CNDP2: variants seen among roughly 807,000 people sequenced by gnomAD.
CNDP2 encodes carnosine dipeptidase 2, also known as cytosolic non-specific dipeptidase.
In CNDP2, 38 loss-of-function variants were observed where a neutral mutation model predicts 55.0. The observed-to-expected ratio is 0.69, with a 90% CI of 0.53 to 0.90. CNDP2 has a LOEUF of 0.90. CNDP2 is among the 40% of genes least tolerant of loss of function. The probability of loss-of-function intolerance (pLI) is 0.00; values close to 1 mark genes in which losing one functional copy is unlikely to be tolerated. For synonymous variants in CNDP2, 241 were observed against 260.2 expected (o/e 0.93, Z 0.71); for missense variants, 607 against 621.7 (o/e 0.98, Z 0.25).
intron 5 of CNDP2, chr18:74,509,164 A>C: frequency 2.0e-6 from 1 of 490,308 alleles, no homozygotes; most frequent in Admixed American, 3.2e-5. Context: ...AATATTGGCG[A>C]CTCAGCGTGA....
At chr18:74,513,471 C>T in intron 7 of CNDP2, 88 bp from the exon 8 acceptor site, 1 of 1,390,860 alleles carries the variant, frequency 7.2e-7, no homozygotes, top group East Asian at 2.6e-5. Context: ...CTCTCCTGAG[C>T]CTGGCTTCCT....
At chr18:74,499,342 A>G (rs949931289) in intron 1 of CNDP2, 1 of 152,514 alleles carries the variant, frequency 6.6e-6, no homozygotes, top group Non-Finnish European at 1.5e-5. Context: ...GGGTGAGAGC[A>G]TGCGCGCTGG....
At chr18:74,503,551 G>C (rs927466694) in intron 3 of CNDP2, among the ~76,000 whole-genome samples, 1 of 152,272 alleles carries the variant, frequency 6.6e-6, no homozygotes, top group Admixed American at 6.5e-5. Context: ...AAGTATTTCA[G>C]AGGAGCCCTA....
At chr18:74,518,830 T>C (rs974743743) in intron 10 of CNDP2, 119 bp from the exon 11 acceptor site, 3 of 1,483,138 alleles carry the variant, frequency 2.0e-6, no homozygotes, top group Non-Finnish European at 2.8e-6. Flanking sequence ...GAACGCGGGC[T>C]TGCTGTCCCC....
intron 8 of CNDP2, 162 bp downstream of exon 8, chr18:74,513,881 TG>T (rs1979498370): frequency 1.4e-6 from 1 of 692,542 alleles, no homozygotes; most frequent in Non-Finnish European, 2.3e-6. Flanking sequence ...ACCAGGTTGC[TG>T]GTCGTTGGAA....
chr18:74,515,148 G>A (rs1024565613), intron 8 of CNDP2, among the ~76,000 whole-genome samples: 8 of 152,228 alleles, frequency 5.3e-5, no homozygotes, highest in South Asian at 2.1e-4. Context: ...TGGCCTGGGC[G>A]CTGCTGTGGA....
chr18:74,506,284 A>G (rs2144586060), intron 4 of CNDP2, among the ~76,000 whole-genome samples: 2 of 152,106 alleles, frequency 1.3e-5, no homozygotes, highest in East Asian at 3.9e-4. Flanking sequence ...ACGGGCGCCC[A>G]TCACCACGCC....
rs1159828975 is a variant in CNDP2, at chr18:74,518,233, G to C, written c.1069-266G>C. 1.4e-5 allele frequency: 4 copies of C among 277,308 alleles called. No homozygotes were observed. The East Asian group carries it at 2.3e-4, about 16-fold the overall frequency. 17.2% of individuals were successfully genotyped at this position (277,308 alleles called of 1,614,324 possible). On this transcript the variant is annotated intron_variant, in intron 9 of 11. Coordinates refer to ENST00000324262, the MANE Select transcript of CNDP2 (RefSeq NM_018235.3). ...GCCGAGATCACGCCACTGTGCTCCA[G>C]CCTGGACAACAGAGCGAGACTCCAT...
rs539698234 is a variant in CNDP2, at chr18:74,508,898, C to A, written c.426C>A (p.Asn142Lys). 2.5e-6 allele frequency: 4 copies of A among 1,614,086 alleles called. No homozygotes were observed. Residue 142 changes from asparagine to lysine, a missense_variant, in exon 5 of 12, where the codon AAC becomes AAA. Asn to Lys is a moderately conservative substitution (Grantham distance 94, BLOSUM62 0). Transcript: ENST00000324262. ...DDKGPVAGWI[N>K]ALEAYQKTGQ... Reference sequence around the variant, plus strand: ...AGGGCCCGGTGGCCGGCTGGATAAACGCCCTGGAAGCGTATCAGAAAACAG... The same window carrying A: ...AGGGCCCGGTGGCCGGCTGGATAAAAGCCCTGGAAGCGTATCAGAAAACAG...
Position 74,499,948 on chromosome 18 carries a change from T to C in CNDP2, c.-26T>C. ...CTCTTCCTTCCAAGAACCTTCGAGATCTGCGGTCTGGGGTCTGGTTGAAAG... is the reference window on the plus strand; with the variant it reads ...CTCTTCCTTCCAAGAACCTTCGAGACCTGCGGTCTGGGGTCTGGTTGAAAG... On this transcript the variant is annotated 5_prime_UTR_variant, in exon 2 of 12. Transcript: ENST00000324262. 1 of 1,612,504 alleles carries C rather than the reference T, an allele frequency of 6.2e-7. No homozygotes were observed. Among genetic ancestry groups the C allele is most frequent in the Non-Finnish European group, 8.5e-7 (1 of 1,178,690 alleles).
Position 74,510,928 on chromosome 18 carries a change from T to C in CNDP2, c.572T>C (p.Val191Ala). The C allele has an allele frequency of 6.2e-7, 1 of 1,614,200 alleles. No individual in the cohort carries two copies. Among genetic ancestry groups the C allele is most frequent in the Non-Finnish European group, 8.5e-7 (1 of 1,180,022 alleles). Reference sequence around the variant, plus strand: ...ACATTCTTTAAGGATGTGGACTATGTCTGCATTTCTGACAATTACTGGCTG... The same window carrying C: ...ACATTCTTTAAGGATGTGGACTATGCCTGCATTTCTGACAATTACTGGCTG... Reference protein sequence around the residue: ...KDTFFKDVDYVCISDNYWLGK... With the variant: ...KDTFFKDVDYACISDNYWLGK... Residue 191 changes from valine (V) to alanine (A), a missense_variant, in exon 6 of 12, where the codon GTC (valine) becomes GCC (alanine). By Grantham distance (64) the Val-to-Ala change is moderately conservative. Coordinates refer to ENST00000324262, the MANE Select transcript of CNDP2 (RefSeq NM_018235.3).
chr18:74,509,838 T>C (rs1038094457), intron 5 of CNDP2, among the ~76,000 whole-genome samples: 6 of 152,248 alleles, frequency 3.9e-5, no homozygotes, highest in African/African-American at 1.4e-4. Context: ...TTATCTTGTA[T>C]CATGGTGACA....
intron 1 of CNDP2, among the ~76,000 whole-genome samples, chr18:74,496,904 C>T (rs552410997): frequency 7.4e-4 from 112 of 152,224 alleles, no homozygotes; most frequent in Non-Finnish European, 1.5e-3. Context: ...TGTGGCGGGA[C>T]AGAAGCCTCC....
intron 9 of CNDP2, 70 bp from the exon 10 acceptor site, chr18:74,518,426 CCGT>C (rs1979836129): frequency 1.9e-6 from 3 of 1,577,770 alleles, no homozygotes; most frequent in African/African-American, 1.3e-5. Flanking sequence ...GATAGCAGAC[CCGT>C]AGGTCACTAG....
At chr18:74,517,512 T>A (rs904347627) in intron 9 of CNDP2, 1 of 152,182 alleles carries the variant, frequency 6.6e-6, no homozygotes, top group Non-Finnish European at 1.5e-5. Flanking sequence ...GCGCAACCAC[T>A]AATGCGGTCA....
In CNDP2 at chr18:74,521,389, T is replaced by C. The variant is rs1405970140; in HGVS notation, c.*1321T>C. On this transcript the variant is annotated 3_prime_UTR_variant, in exon 12 of 12. Coordinates refer to ENST00000324262, the MANE Select transcript of CNDP2 (RefSeq NM_018235.3). ...CCAGCTGGCTTAAACAAAGAATTGA[T>C]TGGCCCACTTGACATAAAAGAACAG... The C allele has an allele frequency of 6.6e-6, 1 of 152,236 alleles. No individual in the cohort carries two copies. The highest frequency in any genetic ancestry group is 1.5e-5 in the Non-Finnish European group (1 of 68,058). The allele number at this position is 152,236 out of a possible 1,614,324, so 9.4% of individuals were successfully genotyped here.
At chr18:74,514,931 C>T (rs1205905685) in intron 8 of CNDP2, among the ~76,000 whole-genome samples, 3 of 152,296 alleles carry the variant, frequency 2.0e-5, no homozygotes, top group Admixed American at 2.0e-4. Flanking sequence ...CTGAGGGCCA[C>T]GCTGGGCAGT....
At chr18:74,518,785 G>C in intron 10 of CNDP2, 145 bp downstream of exon 10, 1 of 1,420,278 alleles carries the variant, frequency 7.0e-7, no homozygotes. Context: ...AGGACAGCTA[G>C]TGTGTGGGAT....
chr18:74,504,287 C>T (rs1978887486), intron 3 of CNDP2, among the ~76,000 whole-genome samples: 3 of 150,864 alleles, frequency 2.0e-5, no homozygotes, highest in Admixed American at 1.3e-4. Context: ...ACACTGCACA[C>T]GCAGCCACAC....
Sources: allele counts gnomAD v4.1 joint callset (sites outside exome capture counted in the v4.1 genomes callset), GRCh38; gene constraint gnomAD v4.1.1; transcripts MANE v1.5; gene names NCBI Gene and HGNC (gene_info 2026-07-23, HGNC 2026-07-21).